The following CTCFL variants were observed in gnomAD, a reference collection of about 807,000 sequenced individuals.
CTCFL encodes transcriptional repressor CTCFL.
CTCFL carries 36 observed loss-of-function variants against 67.4 expected under a neutral mutation model. The observed-to-expected ratio is 0.53, with a 90% confidence interval of 0.41 to 0.71. CTCFL has a LOEUF of 0.71. Ranked by LOEUF, CTCFL falls within the 30% of genes least tolerant of loss-of-function variation. The pLI, the probability that CTCFL is intolerant of heterozygous loss-of-function variation, is 0.00. For synonymous variants in CTCFL, 324 were observed against 302.3 expected, an observed-to-expected ratio of 1.07 and a Z score of -0.75; for missense variants, 786 against 835.2, an observed-to-expected ratio of 0.94 and a Z score of 0.73.
chr20:57,514,464 C>T, intron 7 of CTCFL, 128 bp downstream of exon 7: 3 of 1,079,308 alleles, frequency 2.8e-6, no homozygotes, highest in Middle Eastern at 2.5e-4. Context: ...GAAGAAAATT[C>T]GTCCCAGGGC....
chr20:57,521,898 A>G (rs1329440892), intron 3 of CTCFL, among the ~76,000 whole-genome samples: 2 of 152,196 alleles, frequency 1.3e-5, no homozygotes, highest in African/African-American at 4.8e-5. Flanking sequence ...ACAAAAAGTA[A>G]ATTAGTGGTA....
chr20:57,514,287 C>A (rs2146376913), intron 7 of CTCFL, among the ~76,000 whole-genome samples: 1 of 152,294 alleles, frequency 6.6e-6, no homozygotes, highest in South Asian at 2.1e-4. Flanking sequence ...TGTCTCTGAT[C>A]CCCAGTGTCC....
At chr20:57,500,946 G>C (rs905533580) in intron 10 of CTCFL, among the ~76,000 whole-genome samples, 1 of 152,220 alleles carries the variant, frequency 6.6e-6, no homozygotes, top group African/African-American at 2.4e-5. Context: ...AATCAGCGGG[G>C]AAGTCACGTT....
chr20:57,508,383 C>CT (rs369554819), intron 9 of CTCFL, among the ~76,000 whole-genome samples: 2,409 of 140,520 alleles, frequency 0.017, 64 homozygotes, highest in Admixed American at 0.032. Flanking sequence ...TTGGATTGTC[C>CT]TTTTTTTTTT....
At chr20:57,524,818 CA>C (rs73625091) in intron 1 of CTCFL, 39,493 of 937,962 alleles carry the variant, frequency 0.042, 1,421 homozygotes, top group East Asian at 0.29. Context: ...AGCCCTCGGC[CA>C]GACCAAGCAC....
Position 57,523,284 on chromosome 20 carries a change from AAAC to A in CTCFL, c.544-9_544-7del, listed in dbSNP as rs780517610. On this transcript the variant is annotated splice_region_variant and splice_polypyrimidine_tract_variant and intron_variant, in intron 2 of 10. Transcript: ENST00000243914. Reference sequence around the variant, plus strand: ...TTCTCCTGCTCTTCCTCGAGCTAATAAACAACAAATATTCAAATATGATACTAT... The same window carrying A: ...TTCTCCTGCTCTTCCTCGAGCTAATAAACAAATATTCAAATATGATACTAT... 9 of 1,609,176 alleles carry A rather than the reference AAAC, an allele frequency of 5.6e-6. No homozygotes were observed. The East Asian group carries it at 1.8e-4, about 32-fold the overall frequency.
Position 57,518,836 on chromosome 20 carries a change from T to C in CTCFL, c.981A>G (p.Glu327=), listed in dbSNP as rs2069123050. ...DCNMAFVTSG[E]LVRHRRYKHT... ...GTTTATAGCGCCTGTGTCGGACGAG[T>C]TCTCCACTGGTGACAAATGCCATGT... Residue 327 remains glutamate, a synonymous_variant, in exon 5 of 11, where the codon GAA becomes GAG. Coordinates refer to ENST00000243914, the MANE Select transcript of CTCFL (RefSeq NM_001386993.1). 1.9e-6 allele frequency: 3 copies of C among 1,613,970 alleles called. No homozygotes were observed. Among genetic ancestry groups the C allele is most frequent in the Non-Finnish European group, 2.5e-6 (3 of 1,179,970 alleles).
At chr20:57,501,532 T>C (rs777394667) in intron 10 of CTCFL, among the ~76,000 whole-genome samples, 64 of 152,292 alleles carry the variant, frequency 4.2e-4, no homozygotes, top group Non-Finnish European at 2.6e-4. Context: ...ACAACATCAT[T>C]GGTATAAAGG....
chr20:57,523,877 A>G lies in CTCFL; in HGVS notation c.329T>C (p.Val110Ala), dbSNP rs1180409184. 1 of 1,613,070 alleles carries G rather than the reference A, an allele frequency of 6.2e-7. No individual in the cohort carries two copies. Among genetic ancestry groups the G allele is most frequent in the South Asian group, 1.1e-5 (1 of 91,074 alleles). Residue 110 changes from valine (V) to alanine (A), a missense_variant, in exon 2 of 11, where the codon GTG (valine) becomes GCG (alanine). Coordinates refer to ENST00000243914, the MANE Select transcript of CTCFL (RefSeq NM_001386993.1). ...LSIQQQEGVQ[V>A]VVQQPGPGLL... Reference sequence around the variant, plus strand: ...CCCAGGGCCAGGCTGTTGCACCACCACCTGCACCCCTTCTTGCTGCTGTAT... The same window carrying G: ...CCCAGGGCCAGGCTGTTGCACCACCGCCTGCACCCCTTCTTGCTGCTGTAT...
intron 9 of CTCFL, chr20:57,507,123 A>T: frequency 1.1e-6 from 1 of 874,342 alleles, no homozygotes; most frequent in Non-Finnish European, 1.4e-6. Flanking sequence ...GTTCCTTTCA[A>T]AAGAAACTTC....
chr20:57,518,723 A>G (rs1404905973), intron 5 of CTCFL, 35 bp downstream of exon 5: 1 of 1,614,082 alleles, frequency 6.2e-7, no homozygotes, highest in South Asian at 1.1e-5. Context: ...CTCTACTAAG[A>G]TGCCATGAAG....
rs776843555 is a variant in CTCFL, at chr20:57,507,911, C to A, written c.1674+695G>T. The A allele has an allele frequency of 5.7e-6, 4 of 698,522 alleles. No homozygotes were observed. The South Asian group carries it at 6.0e-5, about 10-fold the overall frequency. The allele number at this position is 698,522 out of a possible 1,614,324, so 43.3% of individuals were successfully genotyped here. A position where few individuals can be genotyped will look rare whatever the true frequency, so the allele number is the denominator to read the frequency against. Reference sequence around the variant, plus strand: ...TAAAACCATAAATGTATTGCTTAGTCCAGTACCAACAGCACTATTCTTTTT... The same window carrying A: ...TAAAACCATAAATGTATTGCTTAGTACAGTACCAACAGCACTATTCTTTTT... On this transcript the variant is annotated intron_variant, in intron 9 of 10. Transcript: ENST00000243914.
At chr20:57,523,022 G>A (rs755153671) in intron 3 of CTCFL, 46 bp downstream of exon 3, 2 of 1,476,156 alleles carry the variant, frequency 1.4e-6, no homozygotes, top group African/African-American at 1.4e-5. Context: ...AAGAAAAACA[G>A]CAGCCCAGTT....
intron 2 of CTCFL, 73 bp downstream of exon 2, chr20:57,523,590 A>T: frequency 6.5e-7 from 1 of 1,541,022 alleles, no homozygotes; most frequent in Non-Finnish European, 8.7e-7. Context: ...TTGTCCAGAC[A>T]TAATATTGCA....
chr20:57,518,397 T>C (rs774887343), intron 5 of CTCFL: 2 of 667,612 alleles, frequency 3.0e-6, no homozygotes, highest in Non-Finnish European at 4.3e-6. Flanking sequence ...TCAGCCAACA[T>C]TGAGATTGGA....
At position 57,523,745 on chromosome 20, in the gene CTCFL, T is replaced by C. The variant is rs201126780; in HGVS notation, c.461A>G (p.His154Arg). Reference protein sequence around the residue: ...SPQEMEVLQFHALEENVMVAS... With the variant: ...SPQEMEVLQFRALEENVMVAS... ...CACCATCACATTCTCCTCTAGAGCG[T>C]GGAACTGCAACACCTCCATCTCTTG... The change falls in exon 2 of 11, where the codon CAC (histidine) becomes CGC (arginine). Residue 154 changes from histidine (H) to arginine (R), a missense_variant. Physicochemically the swap from His to Arg is conservative, Grantham distance 29 (BLOSUM62 0). Transcript: ENST00000243914. 25 of 1,613,388 alleles carry C rather than the reference T, an allele frequency of 1.5e-5. 1 individual carries two copies. The East Asian group carries it at 5.3e-4, about 35-fold the overall frequency.
chr20:57,515,599 G>T, intron 6 of CTCFL, 115 bp downstream of exon 6: 1 of 1,339,268 alleles, frequency 7.5e-7, no homozygotes, highest in Non-Finnish European at 1.1e-6. Flanking sequence ...ATGAAGGCAC[G>T]CAAAAATCCA....
At chr20:57,513,861 G>A (rs752772363) in intron 7 of CTCFL, 2 of 1,288,948 alleles carry the variant, frequency 1.6e-6, no homozygotes, top group Non-Finnish European at 2.0e-6. Context: ...GGAAAAGGGA[G>A]GCCCAGGAAT....
chr20:57,519,577 T>A (rs573961685), intron 3 of CTCFL, among the ~76,000 whole-genome samples, 200 bp from the exon 4 acceptor site: 3 of 152,234 alleles, frequency 2.0e-5, no homozygotes, highest in Admixed American at 1.3e-4. Flanking sequence ...TGTTTCAAGA[T>A]GGGCCGATGT....
Sources: gnomAD v4.1 joint callset for allele counts (sites outside exome capture counted in the v4.1 genomes callset) on GRCh38, gnomAD v4.1.1 for gene constraint, MANE v1.5 for transcripts, NCBI Gene and HGNC (gene_info 2026-07-23, HGNC 2026-07-21) for gene names.